Variants in PLAGL2 observed in about 807,000 individuals in gnomAD.
PLAGL2 encodes the protein zinc finger protein PLAGL2.
In PLAGL2, 7 loss-of-function variants were observed where a neutral mutation model predicts 29.0. The observed-to-expected ratio is 0.24, with a 90% CI of 0.14 to 0.45. The LOEUF (loss-of-function observed/expected upper bound fraction) is 0.45, where lower values mean the gene tolerates loss of function less well. Among genes scored for constraint, PLAGL2 ranks in the 20% least tolerant of loss-of-function variants. The pLI, the probability that PLAGL2 is intolerant of heterozygous loss-of-function variation, is 0.99. For missense variants in PLAGL2, 454 were observed against 648.2 expected (o/e 0.70, Z 3.25); for synonymous variants, 234 against 266.0 (o/e 0.88, Z 1.17).
In PLAGL2 at chr20:32,200,763, A is replaced by T. The variant is rs530463338; in HGVS notation, c.260+1156T>A. On this transcript the variant is annotated intron_variant, in intron 2 of 2. Transcript: ENST00000246229. ...GTGCCACCACACCCAGCTAATTTTT[A>T]AAAAATTTTTAGTAGAGATGGGGTT... is the stretch of plus-strand genomic sequence containing the variant. Among the ~76,000 whole-genome samples, 11 of 151,780 alleles carry T rather than the reference A, an allele frequency of 7.2e-5. No individual in the cohort carries two copies. The South Asian group carries it at 1.9e-3, about 26-fold the overall frequency.
chr20:32,206,499 A>G (rs765663655), intron 1 of PLAGL2, among the ~76,000 whole-genome samples: 2 of 152,140 alleles, frequency 1.3e-5, no homozygotes, highest in African/African-American at 2.4e-5. Context: ...GCAACTCATC[A>G]CAACCCCATT....
intron 2 of PLAGL2, among the ~76,000 whole-genome samples, chr20:32,200,191 T>C (rs901448610): frequency 2.6e-5 from 4 of 152,250 alleles, no homozygotes; most frequent in Admixed American, 2.6e-4. Context: ...TCAATAATGT[T>C]GGATAGATGA....
Position 32,197,456 on chromosome 20 carries a change from G to T in PLAGL2, c.487C>A (p.Gln163Lys). Residue 163 changes from glutamine to lysine, a missense_variant, in exon 3 of 3, where the codon CAG becomes AAG. Gln to Lys is a moderately conservative substitution (Grantham distance 53, BLOSUM62 1). Around this residue, in one of 4 missense-constraint regions of PLAGL2, gnomAD observed 111 missense variants for 173.1 expected, o/e 0.64. Transcript: ENST00000246229. The surrounding 1 kb of genome is among the most constrained non-coding windows in gnomAD (Gnocchi z 6.6). Reference protein sequence around the residue: ...SGDLSCKVCLQTFESTQALLE... With the variant: ...SGDLSCKVCLKTFESTQALLE... ...AGGGCCTGGGTACTCTCAAAGGTCT[G>T]CAGGCACACCTTGCAGCTGAGGTCA... 2 of 1,613,048 alleles carry T rather than the reference G, an allele frequency of 1.2e-6. No individual in the cohort carries two copies. Among genetic ancestry groups the T allele is most frequent in the Non-Finnish European group, 1.7e-6 (2 of 1,180,010 alleles).
chr20:32,201,537 G>A (rs2047259322), intron 2 of PLAGL2, among the ~76,000 whole-genome samples: 1 of 152,264 alleles, frequency 6.6e-6, no homozygotes, highest in Admixed American at 6.5e-5. Context: ...TGAGCTGATT[G>A]CACCACTGTA....
At chr20:32,205,144 T>A (rs1296042210) in intron 1 of PLAGL2, among the ~76,000 whole-genome samples, 1 of 152,242 alleles carries the variant, frequency 6.6e-6, no homozygotes, top group Non-Finnish European at 1.5e-5. Flanking sequence ...TGAAAGTGGC[T>A]GATACAAAAT....
intron 1 of PLAGL2, among the ~76,000 whole-genome samples, chr20:32,203,476 T>G (rs1242897078): frequency 6.6e-6 from 1 of 152,206 alleles, no homozygotes; most frequent in Non-Finnish European, 1.5e-5. Flanking sequence ...ACTCCCAAGC[T>G]TACCACAGAT....
At position 32,197,404 on chromosome 20, in the gene PLAGL2, C is replaced by T. The variant is rs757572858; in HGVS notation, c.539G>A (p.Arg180His). ...ALLEHLKAHS[R>H]RVAGGAKEKK... ...CTCCTTGGCACCGCCTGCTACCCGGCGTGAGTGGGCCTTCAGGTGCTCTAG... is the reference window on the plus strand; with the variant it reads ...CTCCTTGGCACCGCCTGCTACCCGGTGTGAGTGGGCCTTCAGGTGCTCTAG... Residue 180 changes from arginine to histidine, a missense_variant, in exon 3 of 3, where the codon CGC becomes CAC. Arg to His is a conservative substitution (Grantham distance 29, BLOSUM62 0). Coordinates refer to ENST00000246229, the MANE Select transcript of PLAGL2 (RefSeq NM_002657.3). This position sits in a 1 kb window ranked among gnomAD's most constrained non-coding sequence, Gnocchi z 6.6. 15 of 1,611,950 alleles carry T rather than the reference C, an allele frequency of 9.3e-6. No individual in the cohort carries two copies. The highest frequency in any genetic ancestry group is 1.1e-5 in the South Asian group (1 of 90,900).
chr20:32,204,527 A>C (rs937188309), intron 1 of PLAGL2, among the ~76,000 whole-genome samples: 1 of 152,212 alleles, frequency 6.6e-6, no homozygotes, highest in African/African-American at 2.4e-5. Flanking sequence ...TAATGGGGCT[A>C]TGTCTTCACA....
In PLAGL2 at chr20:32,196,706, C is replaced by G. The variant is rs2047230434; in HGVS notation, c.1237G>C (p.Asp413His). The G allele has an allele frequency of 3.2e-6, 5 of 1,562,964 alleles. No individual in the cohort carries two copies. The highest frequency in any genetic ancestry group is 3.5e-6 in the Non-Finnish European group (4 of 1,154,118). The change falls in exon 3 of 3, where the codon GAC becomes CAC. Residue 413 changes from aspartate (D) to histidine (H), a missense_variant. Transcript: ENST00000246229. ...AGAAAGCCCAGTAGGTGGGAGAAGT[C>G]CACATTAGCAGCGCAGAGGGCCTCA... ...LSEALCAANV[D>H]FSHLLGFLPL... is the part of the protein sequence containing the mutation.
At chr20:32,205,257 T>A (rs981461325) in intron 1 of PLAGL2, among the ~76,000 whole-genome samples, 1 of 152,164 alleles carries the variant, frequency 6.6e-6, no homozygotes, top group Non-Finnish European at 1.5e-5. Flanking sequence ...CTCTTTAATG[T>A]TACTTCTCAG....
chr20:32,207,581 C>T (rs1333687239), intron 1 of PLAGL2, 60 bp downstream of exon 1: 1 of 154,572 alleles, frequency 6.5e-6, no homozygotes, highest in Non-Finnish European at 1.4e-5. Context: ...CGCGCGGACG[C>T]AGCGAGACGG....
chr20:32,205,547 T>C (rs1459671208), intron 1 of PLAGL2, among the ~76,000 whole-genome samples: 1 of 152,222 alleles, frequency 6.6e-6, no homozygotes, highest in Non-Finnish European at 1.5e-5. Context: ...CTCCCCAGTC[T>C]GTCCGTCCCC....
In PLAGL2 at chr20:32,197,202, G is replaced by A. The variant is rs759528756; in HGVS notation, c.741C>T (p.Leu247=). The change falls in exon 3 of 3, where the codon CTC becomes CTT. Residue 247 remains leucine, a synonymous_variant. Transcript: ENST00000246229. This position sits in a 1 kb window ranked among gnomAD's most constrained non-coding sequence, Gnocchi z 6.6. ...TGTCCACGGGCTCTGTCTTGATCTT[G>A]AGCAGCTCCTGCGAGTGGCTCTTCT... ...HVKKSHSQEL[L]KIKTEPVDML... 3.7e-6 allele frequency: 6 copies of A among 1,614,108 alleles called. No homozygotes were observed. Among genetic ancestry groups the A allele is most frequent in the Non-Finnish European group, 5.1e-6 (6 of 1,180,052 alleles).
chr20:32,205,590 TGAAAC>T (rs2047282304), intron 1 of PLAGL2, among the ~76,000 whole-genome samples: 1 of 152,234 alleles, frequency 6.6e-6, no homozygotes, highest in Non-Finnish European at 1.5e-5. Flanking sequence ...TGCTCTCTGA[TGAAAC>T]TATAGTTTTT....
intron 2 of PLAGL2, among the ~76,000 whole-genome samples, chr20:32,201,313 G>A (rs1005892008): frequency 2.0e-4 from 30 of 152,152 alleles, no homozygotes; most frequent in African/African-American, 5.1e-4. Flanking sequence ...GGCTAAGTGC[G>A]GTGGCTCATG....
chr20:32,206,403 T>C (rs947537317), intron 1 of PLAGL2, among the ~76,000 whole-genome samples: 5 of 152,072 alleles, frequency 3.3e-5, no homozygotes, highest in African/African-American at 1.2e-4. Context: ...TCAGTGTAGA[T>C]GGGCCCTCTT....
In PLAGL2 at chr20:32,196,336, T is replaced by C. The variant is rs1244836638; in HGVS notation, c.*116A>G. The C allele has an allele frequency of 4.1e-6, 2 of 484,036 alleles. No individual in the cohort carries two copies. The highest frequency in any genetic ancestry group is 6.5e-6 in the Non-Finnish European group (2 of 309,096). 30.0% of individuals were successfully genotyped at this position (484,036 alleles called of 1,614,324 possible). On this transcript the variant is annotated 3_prime_UTR_variant, in exon 3 of 3. Transcript: ENST00000246229. ...GTGCTCCTGTATACAGACACTGGAA[T>C]TTTTTTTTTTGAACCCAGCTCTGAA...
chr20:32,207,374 C>A (rs898176213), intron 1 of PLAGL2, among the ~76,000 whole-genome samples: 3 of 152,018 alleles, frequency 2.0e-5, no homozygotes, highest in Admixed American at 6.5e-5. Flanking sequence ...CTCAGGACTG[C>A]GTCTCCAGGT....
chr20:32,203,756 G>A (rs1600377860), intron 1 of PLAGL2, among the ~76,000 whole-genome samples: 1 of 152,212 alleles, frequency 6.6e-6, no homozygotes, highest in African/African-American at 2.4e-5. Flanking sequence ...ATGCCCCAGA[G>A]AGCTTTGCTC....
Sources: allele counts gnomAD v4.1 joint callset (sites outside exome capture counted in the v4.1 genomes callset), GRCh38; gene constraint gnomAD v4.1.1; regional missense constraint gnomAD v4.1.1; non-coding constraint Gnocchi (gnomAD v3.1); transcripts MANE v1.5; gene names NCBI Gene and HGNC (gene_info 2026-07-23, HGNC 2026-07-21).